STOX2: variants seen among roughly 807,000 people sequenced by gnomAD.
STOX2 encodes the protein storkhead box 2.
STOX2 carries 28 observed loss-of-function variants against 60.9 expected under a neutral mutation model. The observed-to-expected ratio is 0.46, with a 90% CI of 0.34 to 0.63. The LOEUF (loss-of-function observed/expected upper bound fraction) is 0.63, where lower values mean the gene tolerates loss of function less well. Ranked by LOEUF, STOX2 falls within the 30% of genes least tolerant of loss-of-function variation. STOX2 has a pLI of 0.01. For missense variants in STOX2, 1,024 were observed against 1,187.7 expected, an observed-to-expected ratio of 0.86 and a Z score of 2.03; for synonymous variants, 472 against 463.9, an observed-to-expected ratio of 1.02 and a Z score of -0.22.
At chr4:183,944,555 G>A (rs1286871148) in intron 1 of STOX2, among the ~76,000 whole-genome samples, 1 of 152,130 alleles carries the variant, frequency 6.6e-6, no homozygotes, top group Non-Finnish European at 1.5e-5. Flanking sequence ...CTTTACTAAA[G>A]CTACAAAAGT....
intron 1 of STOX2, among the ~76,000 whole-genome samples, chr4:183,922,790 C>T (rs866918345): frequency 1.3e-5 from 2 of 152,150 alleles, no homozygotes; most frequent in African/African-American, 4.8e-5. Flanking sequence ...CACTAACTCT[C>T]GGTCCTCCCT....
chr4:183,843,704 C>A (rs1739921557), intron 1 of STOX2, among the ~76,000 whole-genome samples: 1 of 152,086 alleles, frequency 6.6e-6, no homozygotes, highest in African/African-American at 2.4e-5. Flanking sequence ...TTGATTTTTT[C>A]TGATTTTAGC....
chr4:183,992,138 G>T (rs9312320), intron 1 of STOX2, among the ~76,000 whole-genome samples: 45,537 of 152,070 alleles, frequency 0.3, 6,917 homozygotes, highest in Middle Eastern at 0.38. Context: ...AGTTGGAAGG[G>T]GTAGAAGCGT....
At chr4:183,961,563 C>A (rs1241476567) in intron 1 of STOX2, among the ~76,000 whole-genome samples, 3 of 152,186 alleles carry the variant, frequency 2.0e-5, no homozygotes, top group Non-Finnish European at 4.4e-5. Context: ...TTTATATATT[C>A]ATTTTTTAAT....
At chr4:183,879,400 G>A (rs1272573901) in intron 1 of STOX2, among the ~76,000 whole-genome samples, 2 of 152,196 alleles carry the variant, frequency 1.3e-5, no homozygotes, top group African/African-American at 4.8e-5. Flanking sequence ...GCCTCACTCT[G>A]GAGGAAACCA....
chr4:183,909,977 G>C (rs950245093), intron 1 of STOX2, among the ~76,000 whole-genome samples: 1 of 152,168 alleles, frequency 6.6e-6, no homozygotes, highest in Admixed American at 6.5e-5. Context: ...TTTAAGTCTC[G>C]AAGACTATGC....
chr4:183,972,231 C>A (rs1038271191), intron 1 of STOX2, among the ~76,000 whole-genome samples: 1 of 152,144 alleles, frequency 6.6e-6, no homozygotes, highest in African/African-American at 2.4e-5. Context: ...GGGCGAATTC[C>A]CATTGCTTTT....
intron 1 of STOX2, among the ~76,000 whole-genome samples, chr4:183,813,484 G>A (rs536223817): frequency 1.3e-5 from 2 of 152,342 alleles, no homozygotes; most frequent in African/African-American, 2.4e-5. Flanking sequence ...CTGGAAGGAT[G>A]TGAGTAGGTT....
chr4:183,883,493 G>GT (rs1352785493), intron 1 of STOX2, among the ~76,000 whole-genome samples: 2 of 151,782 alleles, frequency 1.3e-5, no homozygotes, highest in Non-Finnish European at 2.9e-5. Context: ...CTAATTTTTT[G>GT]TTTTTTAGTA....
chr4:183,964,407 T>C (rs1046133475), intron 1 of STOX2, among the ~76,000 whole-genome samples: 17 of 152,226 alleles, frequency 1.1e-4, no homozygotes, highest in Admixed American at 9.2e-4. Context: ...TGAGGTTGTA[T>C]GTAATGCATG....
intron 1 of STOX2, among the ~76,000 whole-genome samples, chr4:183,834,493 T>G (rs1034408436): frequency 5.7e-4 from 86 of 151,846 alleles, no homozygotes; most frequent in African/African-American, 1.9e-3. Flanking sequence ...AGGTGCGGAG[T>G]TGGAATGGCT....
At position 183,962,152 on chromosome 4, in the gene STOX2, C is replaced by T. The variant is rs573474821; in HGVS notation, c.167-39173C>T. ...AAACAATTTTTAGGTTCATTAATGA[C>T]TCAGTTTGCATAAGATTGGATCCTC... is the stretch of plus-strand genomic sequence containing the variant. On this transcript the variant is annotated intron_variant, in intron 1 of 3. Coordinates refer to ENST00000308497, the MANE Select transcript of STOX2 (RefSeq NM_020225.3). Among the ~76,000 whole-genome samples, 16 of 152,316 alleles carry T rather than the reference C, an allele frequency of 1.1e-4. No individual in the cohort carries two copies. The East Asian group carries it at 2.9e-3, about 28-fold the overall frequency.
chr4:183,854,523 G>A (rs1740240074), intron 1 of STOX2, among the ~76,000 whole-genome samples: 2 of 152,178 alleles, frequency 1.3e-5, no homozygotes, highest in South Asian at 4.1e-4. Context: ...ATGGCAGGGG[G>A]CAGGGGGGAT....
intron 2 of STOX2, among the ~76,000 whole-genome samples, chr4:184,008,676 A>G (rs945182126): frequency 3.3e-5 from 5 of 152,232 alleles, no homozygotes; most frequent in African/African-American, 1.2e-4. Context: ...ATCTTTAACA[A>G]TGAGCACACA....
rs1217628347 is a variant in STOX2 at position 184,019,538 on chromosome 4, CAGGAA to C, written c.*2262_*2266del. ...TTGAAATAATCGAATACTGTGTGAA[CAGGAA>C]AGGAAAGCGTTACCTTTAAGAGAAG... On this transcript the variant is annotated 3_prime_UTR_variant, in exon 4 of 4. Coordinates refer to ENST00000308497, the MANE Select transcript of STOX2 (RefSeq NM_020225.3). The C allele has an allele frequency of 6.6e-6, 1 of 152,142 alleles. No homozygotes were observed. Among genetic ancestry groups the C allele is most frequent in the African/African-American group, 2.4e-5 (1 of 41,432 alleles). 9.4% of individuals were successfully genotyped at this position (152,142 alleles called of 1,614,324 possible).
intron 1 of STOX2, among the ~76,000 whole-genome samples, chr4:183,934,219 C>T (rs1742524751): frequency 6.6e-6 from 1 of 152,140 alleles, no homozygotes; most frequent in South Asian, 2.1e-4. Context: ...AGGAGTATCG[C>T]TTGAACCCAG....
At chr4:183,891,336 T>A in intron 1 of STOX2, among the ~76,000 whole-genome samples, 1 of 92,248 alleles carries the variant, frequency 1.1e-5, no homozygotes, top group East Asian at 2.8e-4. Flanking sequence ...ATATCTATGA[T>A]GGAATATATA....
chr4:183,997,705 G>A (rs1733404978), intron 1 of STOX2, among the ~76,000 whole-genome samples: 1 of 152,150 alleles, frequency 6.6e-6, no homozygotes, highest in Non-Finnish European at 1.5e-5. Flanking sequence ...ATGGGATTGG[G>A]GATGGGAAAG....
chr4:183,936,446 G>A (rs546303415), intron 1 of STOX2, among the ~76,000 whole-genome samples: 1 of 150,954 alleles, frequency 6.6e-6, no homozygotes, highest in South Asian at 2.1e-4. Context: ...TGGATCATGA[G>A]TTTATTGGCG....
Sources: gnomAD v4.1 joint callset for allele counts (sites outside exome capture counted in the v4.1 genomes callset) on GRCh38, gnomAD v4.1.1 for gene constraint, MANE v1.5 for transcripts, NCBI Gene and HGNC (gene_info 2026-07-23, HGNC 2026-07-21) for gene names.